DIAPH2: variants seen among roughly 807,000 people sequenced by gnomAD.
DIAPH2 encodes the protein protein diaphanous homolog 2.
A neutral mutation model predicts 92.7 loss-of-function variants in DIAPH2; 35 were observed. The ratio of observed to expected loss-of-function variants is 0.38; its 90% confidence interval spans 0.29 to 0.50. The LOEUF is 0.50. Ranked by LOEUF, DIAPH2 falls within the 20% of genes least tolerant of loss-of-function variation. The probability of loss-of-function intolerance (pLI) is 0.94; values close to 1 mark genes in which losing one functional copy is unlikely to be tolerated. For synonymous variants in DIAPH2, 301 were observed against 280.4 expected (o/e 1.07, Z -0.73); for missense variants, 701 against 819.5 (o/e 0.86, Z 1.77).
chrX:96,876,491 C>T (rs776043598), intron 4 of DIAPH2, among the ~76,000 whole-genome samples: 1 of 111,797 alleles, frequency 8.9e-6, no homozygotes, highest in South Asian at 3.7e-4. Context: ...TTCACAATAG[C>T]AAAGACCTGG....
chrX:97,297,074 GC>G (rs1331430579), intron 23 of DIAPH2, among the ~76,000 whole-genome samples: 1 of 82,871 alleles, frequency 1.2e-5, no homozygotes, highest in Admixed American at 1.6e-4. Flanking sequence ...ACCAGGCCTG[GC>G]CTTTTTTTTT....
intron 4 of DIAPH2, chrX:96,793,526 G>C: frequency 2.9e-6 from 1 of 341,908 alleles, no homozygotes; most frequent in Non-Finnish European, 5.6e-6. Context: ...CTTCGATCTG[G>C]AGGCTGGGAA....
At chrX:97,526,462 CAAA>C (rs397896895) in intron 26 of DIAPH2, among the ~76,000 whole-genome samples, 3 of 58,851 alleles carry the variant, frequency 5.1e-5, no homozygotes. Context: ...GAAGGAATGC[CAAA>C]AAAAAAAAAA....
chrX:97,433,319 T>C (rs1303476727), intron 26 of DIAPH2, among the ~76,000 whole-genome samples: 1 of 110,585 alleles, frequency 9.0e-6, no homozygotes. Flanking sequence ...GAGGACAGCC[T>C]GGACAACATA....
chrX:97,124,693 C>T (rs191766773), intron 21 of DIAPH2, among the ~76,000 whole-genome samples: 2 of 111,569 alleles, frequency 1.8e-5, no homozygotes, highest in South Asian at 3.8e-4. Context: ...CACACACACA[C>T]CTCCCTTTAC....
Position 96,885,051 on chromosome X carries a change from C to T in DIAPH2, c.587+3333C>T, listed in dbSNP as rs759307486. The T allele has an allele frequency of 3.3e-6, 4 of 1,210,640 alleles. No homozygotes were observed. In the South Asian group the frequency reaches 5.3e-5, roughly 16 times the overall value. On this transcript the variant is annotated intron_variant, in intron 5 of 26. Transcript: ENST00000324765. ...TTGATTATCTGACCGTTGAGGGCCA[C>T]ATCTATCCCACTGTGGATCGGGAGC...
At chrX:97,192,433 G>T (rs182227170) in intron 22 of DIAPH2, among the ~76,000 whole-genome samples, 1 of 109,922 alleles carries the variant, frequency 9.1e-6, no homozygotes, top group Non-Finnish European at 1.9e-5. Context: ...TACCTATTTT[G>T]TAAAGCAAGA....
At chrX:96,983,071 G>A (rs2066007900) in intron 17 of DIAPH2, among the ~76,000 whole-genome samples, 2 of 103,956 alleles carry the variant, frequency 1.9e-5, no homozygotes, top group South Asian at 3.9e-4. Flanking sequence ...AAAGCAATGG[G>A]ATTTTTTTTC....
chrX:97,103,124 T>C (rs1055166877), intron 20 of DIAPH2, among the ~76,000 whole-genome samples: 2 of 112,053 alleles, frequency 1.8e-5, no homozygotes, highest in Admixed American at 9.4e-5. Flanking sequence ...CACATGCTAA[T>C]CTTCTCACTT....
At chrX:97,296,583 A>T (rs1277810135) in intron 23 of DIAPH2, among the ~76,000 whole-genome samples, 1 of 111,526 alleles carries the variant, frequency 9.0e-6, no homozygotes, top group East Asian at 2.8e-4. Flanking sequence ...TTTATGTGTC[A>T]TTGGCGTGAT....
At chrX:97,399,111 A>G (rs971638723) in intron 25 of DIAPH2, among the ~76,000 whole-genome samples, 1 of 111,786 alleles carries the variant, frequency 8.9e-6, no homozygotes, top group Non-Finnish European at 1.9e-5. Flanking sequence ...AAGTAAAACC[A>G]GAAGTCTGTA....
At chrX:96,690,252 A>G (rs992779029) in intron 1 of DIAPH2, among the ~76,000 whole-genome samples, 2 of 111,207 alleles carry the variant, frequency 1.8e-5, no homozygotes, top group Non-Finnish European at 3.8e-5. Context: ...CGGAGAGCCA[A>G]AAGACCTGGG....
intron 26 of DIAPH2, among the ~76,000 whole-genome samples, chrX:97,436,918 C>CA (rs1303613926): frequency 8.9e-6 from 1 of 111,972 alleles, no homozygotes; most frequent in Non-Finnish European, 1.9e-5. Flanking sequence ...TTTAGTGCGG[C>CA]ACTCCACCTG....
At chrX:97,115,484 C>A (rs2067010238) in intron 21 of DIAPH2, among the ~76,000 whole-genome samples, 1 of 110,458 alleles carries the variant, frequency 9.1e-6, no homozygotes, top group Admixed American at 9.7e-5. Context: ...TGGAGTGAGC[C>A]GAGATCATGC....
intron 23 of DIAPH2, among the ~76,000 whole-genome samples, chrX:97,302,332 C>T (rs1252804524): frequency 9.2e-6 from 1 of 109,257 alleles, no homozygotes; most frequent in Non-Finnish European, 1.9e-5. Flanking sequence ...AGCTCAAGAC[C>T]AACCTGGCCA....
intron 23 of DIAPH2, among the ~76,000 whole-genome samples, chrX:97,289,636 A>T (rs1401818782): frequency 1.8e-5 from 2 of 111,491 alleles, no homozygotes; most frequent in Non-Finnish European, 3.8e-5. Flanking sequence ...TCTGAGAACC[A>T]TGGGTTCCTA....
chrX:96,844,918 T>G (rs2064961219), intron 4 of DIAPH2, among the ~76,000 whole-genome samples: 1 of 112,222 alleles, frequency 8.9e-6, no homozygotes. Flanking sequence ...AATTCAGTTA[T>G]GGTTATGAAA....
Position 97,187,133 on chromosome X carries a change from CCTA to C in DIAPH2, c.2719+45343_2719+45345del, listed in dbSNP as rs2067611551. ...TCAATAGTATAGTAACTTAATACAA[CCTA>C]CTATCATGGAATTCATTTAGTAGGA... On this transcript the variant is annotated intron_variant, in intron 22 of 26. Coordinates refer to ENST00000324765, the MANE Select transcript of DIAPH2 (RefSeq NM_006729.5). 2.7e-5 allele frequency among the ~76,000 whole-genome samples: 3 copies of C among 110,085 alleles called. No individual in the cohort carries two copies. The Admixed American group carries it at 2.9e-4, about 11-fold the overall frequency.
chrX:97,574,698 C>A (rs2071390335), intron 26 of DIAPH2, among the ~76,000 whole-genome samples: 1 of 112,010 alleles, frequency 8.9e-6, no homozygotes, highest in African/African-American at 3.2e-5. Flanking sequence ...ATTGCTGGAA[C>A]ATAGGTATGA....
Sources: gnomAD v4.1 joint callset for allele counts (sites outside exome capture counted in the v4.1 genomes callset) on GRCh38, gnomAD v4.1.1 for gene constraint, MANE v1.5 for transcripts, NCBI Gene and HGNC (gene_info 2026-07-23, HGNC 2026-07-21) for gene names.